Variants in SLC6A5 observed in about 807,000 individuals in gnomAD.
The protein encoded by SLC6A5 is solute carrier family 6 member 5, also known as sodium- and chloride-dependent glycine transporter 2.
SLC6A5 carries 58 observed loss-of-function variants against 90.5 expected under a neutral mutation model. The ratio of observed to expected loss-of-function variants is 0.64; its 90% CI spans 0.52 to 0.80. The LOEUF (loss-of-function observed/expected upper bound fraction) is 0.80, where lower values mean the gene tolerates loss of function less well. Ranked by LOEUF, SLC6A5 falls within the 30% of genes least tolerant of loss-of-function variation. SLC6A5 has a pLI of 0.00. For synonymous variants in SLC6A5, 427 were observed against 401.4 expected, an observed-to-expected ratio of 1.06 and a Z score of -0.76; for missense variants, 1,015 against 1,017.6, an observed-to-expected ratio of 1.00 and a Z score of 0.03.
chr11:20,611,906 G>A (rs1852701348), intron 5 of SLC6A5, among the ~76,000 whole-genome samples: 1 of 151,438 alleles, frequency 6.6e-6, no homozygotes, highest in Admixed American at 6.6e-5. Context: ...TTGGTCCTTT[G>A]GAATTCTGGG....
Position 20,654,987 on chromosome 11 carries a change from C to T in SLC6A5, c.*119C>T, listed in dbSNP as rs763966784. The T allele has an allele frequency of 6.5e-6, 7 of 1,074,548 alleles. No homozygotes were observed. The highest frequency in any genetic ancestry group is 1.0e-5 in the Non-Finnish European group (7 of 689,652). The allele number at this position is 1,074,548 out of a possible 1,614,324, so 66.6% of individuals were successfully genotyped here. On this transcript the variant is annotated 3_prime_UTR_variant, in exon 16 of 16. Coordinates refer to ENST00000525748, the MANE Select transcript of SLC6A5 (RefSeq NM_004211.5). ...TTTCTTCCTACATCTTGGTTCACAT[C>T]CACGCATGAGAGTGATTATGTAGAA...
intron 11 of SLC6A5, 69 bp from the exon 12 acceptor site, chr11:20,637,103 A>G (rs527383530): frequency 1.3e-6 from 2 of 1,530,902 alleles, no homozygotes; most frequent in East Asian, 2.3e-5. Context: ...TGGGACATAC[A>G]AAGGGCTTGG....
At chr11:20,604,185 C>T (rs1852530507) in intron 2 of SLC6A5, 101 bp from the exon 3 acceptor site, 1 of 1,438,016 alleles carries the variant, frequency 7.0e-7, no homozygotes. Context: ...GAAGTGGGAG[C>T]CTGCTTGCTG....
At chr11:20,648,142 T>C (rs1467572070) in intron 14 of SLC6A5, among the ~76,000 whole-genome samples, 1 of 152,162 alleles carries the variant, frequency 6.6e-6, no homozygotes, top group Non-Finnish European at 1.5e-5. Flanking sequence ...CTGGAGGATG[T>C]TGGCTGTAAT....
At chr11:20,633,541 C>CAG (rs1268938973) in intron 10 of SLC6A5, among the ~76,000 whole-genome samples, 1 of 152,258 alleles carries the variant, frequency 6.6e-6, no homozygotes, top group East Asian at 1.9e-4. Context: ...TTGCACTGAC[C>CAG]AGAGCCCCTT....
At chr11:20,600,861 C>CCTT (rs1387179892) in intron 1 of SLC6A5, among the ~76,000 whole-genome samples, 1 of 152,186 alleles carries the variant, frequency 6.6e-6, no homozygotes, top group Non-Finnish European at 1.5e-5. Flanking sequence ...CCCCCTTTAC[C>CCTT]CTTACAAAAT....
chr11:20,650,833 A>AT (rs1393963973), intron 14 of SLC6A5, among the ~76,000 whole-genome samples: 2 of 151,426 alleles, frequency 1.3e-5, no homozygotes, highest in Admixed American at 6.6e-5. Context: ...CGCCCGGCTA[A>AT]TTTTTTGTAT....
intron 10 of SLC6A5, 23 bp downstream of exon 10, chr11:20,630,838 C>T (rs1375725382): frequency 3.1e-6 from 5 of 1,613,464 alleles, no homozygotes; most frequent in Admixed American, 1.7e-5. Flanking sequence ...TGTTACCCTG[C>T]TGTTGCAGGG....
intron 7 of SLC6A5, 144 bp from the exon 8 acceptor site, chr11:20,626,564 C>A: frequency 2.3e-6 from 2 of 856,554 alleles, no homozygotes; most frequent in East Asian, 2.6e-5. Flanking sequence ...CCCTGCTTCC[C>A]CAGCCCTGGC....
intron 10 of SLC6A5, among the ~76,000 whole-genome samples, chr11:20,631,955 G>C (rs929186316): frequency 6.6e-6 from 1 of 152,220 alleles, no homozygotes; most frequent in Non-Finnish European, 1.5e-5. Flanking sequence ...AAGAGTTAAA[G>C]AGCCAGCACT....
intron 13 of SLC6A5, among the ~76,000 whole-genome samples, chr11:20,638,959 G>T (rs1204988685): frequency 6.6e-6 from 1 of 152,068 alleles, no homozygotes; most frequent in African/African-American, 2.4e-5. Flanking sequence ...TTTGTAGCTG[G>T]TCCCTGGGTA....
At chr11:20,604,825 G>A (rs1852547553) in intron 3 of SLC6A5, among the ~76,000 whole-genome samples, 1 of 152,142 alleles carries the variant, frequency 6.6e-6, no homozygotes, top group Non-Finnish European at 1.5e-5. Flanking sequence ...ATTATATCCT[G>A]TCTTCCTAGG....
chr11:20,657,656 G>C lies in SLC6A5; in HGVS notation c.*2788G>C, dbSNP rs1853653724. The C allele has an allele frequency of 6.6e-6, 1 of 152,332 alleles. No individual in the cohort carries two copies. The highest frequency in any genetic ancestry group is 2.1e-4 in the South Asian group (1 of 4,818). 9.4% of individuals were successfully genotyped at this position (152,332 alleles called of 1,614,324 possible). On this transcript the variant is annotated 3_prime_UTR_variant, in exon 16 of 16. Transcript: ENST00000525748. ...GGAAAAAACCGAGTAGCTGAGGAAA[G>C]ACTTTCATTGGTTCACTGTGTAGAA...
intron 7 of SLC6A5, among the ~76,000 whole-genome samples, chr11:20,623,774 A>G (rs1341876734): frequency 1.3e-5 from 2 of 151,774 alleles, no homozygotes; most frequent in Non-Finnish European, 2.9e-5. Flanking sequence ...CATGATTCCA[A>G]CTGTTCCCTC....
At position 20,659,037 on chromosome 11, in the gene SLC6A5, T is replaced by A. The variant is rs993461437; in HGVS notation, c.*4169T>A. On this transcript the variant is annotated 3_prime_UTR_variant, in exon 16 of 16. Coordinates refer to ENST00000525748, the MANE Select transcript of SLC6A5 (RefSeq NM_004211.5). ...AACTATACATGAAGAAAATATATTATGTTACAAATGATGCATCATATATAT... is the reference window on the plus strand; with the variant it reads ...AACTATACATGAAGAAAATATATTAAGTTACAAATGATGCATCATATATAT... The A allele has an allele frequency of 1.5e-5, 2 of 131,936 alleles. No homozygotes were observed. Among genetic ancestry groups the A allele is most frequent in the African/African-American group, 5.8e-5 (2 of 34,752 alleles). 8.2% of individuals were successfully genotyped at this position (131,936 alleles called of 1,614,324 possible). A position where few individuals can be genotyped will look rare whatever the true frequency, so the allele number is the denominator to read the frequency against.
Position 20,604,394 on chromosome 11 carries a change from T to C in SLC6A5, c.649T>C (p.Phe217Leu), listed in dbSNP as rs1852536845. Residue 217 changes from phenylalanine to leucine, a missense_variant, in exon 3 of 16, where the codon TTT (phenylalanine) becomes CTT (leucine). Phe to Leu is a conservative substitution (Grantham distance 22). This residue lies in a region of SLC6A5 where 567 missense variants were observed against 507.3 expected (regional missense o/e 1.12). Coordinates refer to ENST00000525748, the MANE Select transcript of SLC6A5 (RefSeq NM_004211.5). ...AGTGGGGCTGGGCAATGTCTGGAGG[T>C]TTCCCTACCTGGCCTTCCAGAACGG... The part of the protein sequence containing the change: ...YAVGLGNVWR[F>L]PYLAFQNGGG... 6.2e-7 allele frequency: 1 copy of C among 1,613,826 alleles called. No homozygotes were observed. The highest frequency in any genetic ancestry group is 1.1e-5 in the South Asian group (1 of 91,048).
chr11:20,601,107 G>A (rs1007639289), intron 1 of SLC6A5, 22 bp from the exon 2 acceptor site: 3 of 1,577,232 alleles, frequency 1.9e-6, no homozygotes, highest in African/African-American at 2.7e-5. Flanking sequence ...TGTTTTGCAC[G>A]AACTTGACAT....
At chr11:20,630,926 G>A in intron 10 of SLC6A5, 111 bp downstream of exon 10, 1 of 1,260,450 alleles carries the variant, frequency 7.9e-7, no homozygotes, top group Non-Finnish European at 1.1e-6. Flanking sequence ...GATAGAGGGT[G>A]GAGGAGCCCA....
rs1443551 is a variant in SLC6A5 at position 20,607,618 on chromosome 11, G to A, written c.951G>A (p.Thr317=). The change falls in exon 5 of 16, where the codon ACG becomes ACA. Residue 317 remains threonine, a synonymous_variant. Transcript: ENST00000525748. ...PWGSCNNPWN[T]PECKDKTKLL... The stretch of plus-strand genomic sequence containing the variant: ...GCTCCTGCAACAACCCTTGGAATAC[G>A]CCAGAATGCAAAGATAAAACCAAAC... 124,655 of 1,613,700 alleles carry A rather than the reference G, an allele frequency of 0.077. 7,986 individuals carry two copies. The highest frequency in any genetic ancestry group is 0.39 in the East Asian group (17,472 of 44,854).
Sources: gnomAD v4.1 joint callset for allele counts (sites outside exome capture counted in the v4.1 genomes callset) on GRCh38, gnomAD v4.1.1 for gene constraint, gnomAD v4.1.1 regional missense constraint, MANE v1.5 for transcripts, NCBI Gene and HGNC (gene_info 2026-07-23, HGNC 2026-07-21) for gene names.